TENM2: variants seen among roughly 807,000 people sequenced by gnomAD.
TENM2 encodes teneurin transmembrane protein 2, also known as teneurin-2.
A neutral mutation model predicts 245.2 loss-of-function variants in TENM2; 52 were observed. The ratio of observed to expected loss-of-function variants is 0.21; its 90% CI spans 0.17 to 0.27. The LOEUF (loss-of-function observed/expected upper bound fraction) is 0.27, where lower values mean the gene tolerates loss of function less well. Among genes scored for constraint, TENM2 ranks in the 10% least tolerant of loss-of-function variants. The pLI, the probability that TENM2 is intolerant of heterozygous loss-of-function variation, is 1.00. For missense variants in TENM2, 3,046 were observed against 3,666.8 expected, an observed-to-expected ratio of 0.83 and a Z score of 4.37; for synonymous variants, 1,363 against 1,438.9, an observed-to-expected ratio of 0.95 and a Z score of 1.19.
chr5:168,228,669 G>C (rs1424747644), intron 25 of TENM2, among the ~76,000 whole-genome samples: 1 of 152,172 alleles, frequency 6.6e-6, no homozygotes, highest in African/African-American at 2.4e-5. Context: ...TGAAAAGACA[G>C]AGGTACATGC....
At chr5:167,204,230 G>A in the TENM2 span, among the ~76,000 whole-genome samples, 1 of 152,016 alleles carries the variant, frequency 6.6e-6, no homozygotes, top group Non-Finnish European at 1.5e-5. Flanking sequence ...AGGGTTAGGG[G>A]GAGAAGAGGG....
intron 2 of TENM2, among the ~76,000 whole-genome samples, chr5:167,377,575 C>G (rs1174536166): frequency 6.6e-6 from 1 of 152,104 alleles, no homozygotes; most frequent in Non-Finnish European, 1.5e-5. Context: ...TGTTCTCATT[C>G]TTGGCCAGAA....
the TENM2 span, among the ~76,000 whole-genome samples, chr5:167,136,225 A>T: frequency 1.6e-4 from 24 of 152,244 alleles, no homozygotes; most frequent in South Asian, 8.3e-4. Flanking sequence ...TTGTGGTTCT[A>T]TTCTCACTTT....
chr5:168,087,353 T>C (rs937711304), intron 7 of TENM2: 2 of 152,264 alleles, frequency 1.3e-5, no homozygotes, highest in Non-Finnish European at 2.9e-5. Flanking sequence ...CTCACGCCTA[T>C]AGTTCCAGCA....
At chr5:167,757,004 C>A (rs1762351750) in intron 2 of TENM2, among the ~76,000 whole-genome samples, 1 of 151,770 alleles carries the variant, frequency 6.6e-6, no homozygotes, top group Admixed American at 6.6e-5. Flanking sequence ...ATATGCTTGG[C>A]AGTACTTTCT....
At chr5:167,125,220 G>T in the TENM2 span, among the ~76,000 whole-genome samples, 2 of 152,228 alleles carry the variant, frequency 1.3e-5, no homozygotes, top group African/African-American at 4.8e-5. Flanking sequence ...AGACCCAAAG[G>T]CCAAAAGCGA....
chr5:167,489,763 A>G (rs886258101), intron 2 of TENM2, among the ~76,000 whole-genome samples: 7 of 152,206 alleles, frequency 4.6e-5, no homozygotes, highest in African/African-American at 1.7e-4. Flanking sequence ...AAGTGAATGA[A>G]TAATATGATT....
At chr5:167,683,443 T>C (rs1201273573) in intron 2 of TENM2, among the ~76,000 whole-genome samples, 1 of 152,204 alleles carries the variant, frequency 6.6e-6, no homozygotes, top group Non-Finnish European at 1.5e-5. Flanking sequence ...AATAGAATAA[T>C]GTCCACTGCG....
chr5:168,248,843 G>A (rs556942275), intron 27 of TENM2, among the ~76,000 whole-genome samples: 2 of 152,336 alleles, frequency 1.3e-5, no homozygotes, highest in South Asian at 2.1e-4. Context: ...GCTGGGCATG[G>A]TGGCTCATGC....
At chr5:168,030,181 T>TTTC (rs1490684482) in intron 5 of TENM2, among the ~76,000 whole-genome samples, 1 of 141,076 alleles carries the variant, frequency 7.1e-6, no homozygotes, top group East Asian at 2.1e-4. Context: ...TTTTTTTTTT[T>TTTC]TTTTTTCATC....
At chr5:166,998,212 TTATC>T in the TENM2 span, among the ~76,000 whole-genome samples, 1 of 152,114 alleles carries the variant, frequency 6.6e-6, no homozygotes, top group Non-Finnish European at 1.5e-5. Flanking sequence ...CCAAATGTGG[TTATC>T]TGGTGGTCAG....
At chr5:168,128,732 AGCTAAGAATAGTTTTT>A (rs1217436553) in intron 12 of TENM2, 1 of 152,286 alleles carries the variant, frequency 6.6e-6, no homozygotes, top group African/African-American at 2.4e-5. Flanking sequence ...ATGGCTTGCC[AGCTAAGAATAGTTTTT>A]ACATTTTCTA....
chr5:167,778,381 G>C (rs1325278707), intron 2 of TENM2, among the ~76,000 whole-genome samples: 1 of 152,198 alleles, frequency 6.6e-6, no homozygotes, highest in African/African-American at 2.4e-5. Flanking sequence ...GGTCTAGTGT[G>C]TTGGGCACTG....
chr5:167,693,107 T>C (rs1050122553), intron 2 of TENM2, among the ~76,000 whole-genome samples: 4 of 152,206 alleles, frequency 2.6e-5, no homozygotes, highest in African/African-American at 4.8e-5. Flanking sequence ...CTCTAATTCA[T>C]TGGTTTGTGC....
intron 2 of TENM2, among the ~76,000 whole-genome samples, chr5:167,837,829 C>T (rs536464102): frequency 1.3e-5 from 2 of 151,938 alleles, no homozygotes; most frequent in African/African-American, 4.8e-5. Flanking sequence ...GCCACCTTCA[C>T]GCTCTTACGC....
intron 2 of TENM2, among the ~76,000 whole-genome samples, chr5:167,690,880 C>T (rs1387781602): frequency 4.4e-5 from 6 of 137,300 alleles, no homozygotes; most frequent in African/African-American, 8.1e-5. Context: ...CGTATATATT[C>T]GTATATATGT....
At chr5:167,784,200 G>A (rs778919133) in intron 2 of TENM2, among the ~76,000 whole-genome samples, 1 of 152,144 alleles carries the variant, frequency 6.6e-6, no homozygotes, top group Non-Finnish European at 1.5e-5. Flanking sequence ...TGAGTTTTTA[G>A]ACTTTGGAAA....
intron 2 of TENM2, among the ~76,000 whole-genome samples, chr5:167,643,660 C>G (rs1582633808): frequency 1.3e-5 from 2 of 152,152 alleles, no homozygotes; most frequent in Admixed American, 1.3e-4. Context: ...CTTTCTCATT[C>G]ATTTGTTCAT....
intron 2 of TENM2, among the ~76,000 whole-genome samples, chr5:167,749,574 G>A (rs919175195): frequency 5.9e-5 from 9 of 151,786 alleles, no homozygotes. Flanking sequence ...GAAGGCAGAG[G>A]TTGCAGTGAG....
Sources: gnomAD v4.1 joint callset for allele counts (sites outside exome capture counted in the v4.1 genomes callset) on GRCh38, gnomAD v4.1.1 for gene constraint, MANE v1.5 for transcripts, NCBI Gene and HGNC (gene_info 2026-07-23, HGNC 2026-07-21) for gene names.